The following XPO6 variants were observed in gnomAD, a reference collection of about 807,000 sequenced individuals.
XPO6 encodes exportin 6.
In XPO6, 3 loss-of-function variants were observed where a neutral mutation model predicts 130.0. That is an observed-to-expected ratio of 0.02 (90% CI 0.01 to 0.06). The LOEUF (loss-of-function observed/expected upper bound fraction) is 0.06, where lower values mean the gene tolerates loss of function less well. XPO6 is among the 10% of genes least tolerant of loss of function. The pLI, the probability that XPO6 is intolerant of heterozygous loss-of-function variation, is 1.00. For missense variants in XPO6, 970 were observed against 1,393.0 expected (o/e 0.70, Z 4.83); for synonymous variants, 524 against 548.9 (o/e 0.95, Z 0.63).
chr16:28,167,296 G>A (rs1230411365), intron 5 of XPO6: 4 of 985,232 alleles, frequency 4.1e-6, no homozygotes, highest in East Asian at 1.1e-4. Context: ...TCAACTTTTC[G>A]TTCCCCACAA....
chr16:28,134,797 T>A (rs2042743306), intron 10 of XPO6, among the ~76,000 whole-genome samples: 1 of 152,238 alleles, frequency 6.6e-6, no homozygotes. Flanking sequence ...TTGCATAATG[T>A]ACTCCAAACA....
Position 28,180,968 on chromosome 16 carries a change from T to A in XPO6, c.67A>T (p.Thr23Ser). 1 of 1,613,784 alleles carries A rather than the reference T, an allele frequency of 6.2e-7. No homozygotes were observed. The highest frequency in any genetic ancestry group is 8.5e-7 in the Non-Finnish European group (1 of 1,179,910). Reference protein sequence around the residue: ...SLMTEFFHDCTTNERKREIEE... With the variant: ...SLMTEFFHDCSTNERKREIEE... ...ATCTCACGTTTTCTTTCATTGGTTGTACAATCGTGAAAAAATTCTGTCATC... is the reference window on the plus strand; with the variant it reads ...ATCTCACGTTTTCTTTCATTGGTTGAACAATCGTGAAAAAATTCTGTCATC... Residue 23 changes from threonine (T) to serine (S), a missense_variant, in exon 2 of 24, where the codon ACA becomes TCA. Around this residue, in one of 4 missense-constraint regions of XPO6, gnomAD observed 21 missense variants for 34.8 expected, o/e 0.60. Coordinates refer to ENST00000304658, the MANE Select transcript of XPO6 (RefSeq NM_015171.4).
chr16:28,184,957 C>T (rs1336321329), intron 1 of XPO6, among the ~76,000 whole-genome samples: 15 of 152,082 alleles, frequency 9.9e-5, no homozygotes, highest in Middle Eastern at 3.2e-3. Context: ...GTATACCAAA[C>T]GAAAACATAC....
At position 28,101,069 on chromosome 16, in the gene XPO6, AG is replaced by A; in HGVS notation, c.3276+388del. ...TGGGGACCCAGAAGTGCAGCTCCCA[AG>A]CACCAACCATCTCAGCCTGAATGCA... is the stretch of plus-strand genomic sequence containing the variant. On this transcript the variant is annotated intron_variant, in intron 23 of 23. Transcript: ENST00000304658. The surrounding 1 kb of genome is among the most constrained non-coding windows in gnomAD (Gnocchi z 5.4). 1 of 323,840 alleles carries A rather than the reference AG, an allele frequency of 3.1e-6. No homozygotes were observed. The highest frequency in any genetic ancestry group is 6.0e-6 in the Non-Finnish European group (1 of 165,966). The allele number at this position is 323,840 out of a possible 1,614,324, so 20.1% of individuals were successfully genotyped here.
intron 23 of XPO6, among the ~76,000 whole-genome samples, chr16:28,100,437 G>A (rs751805667): frequency 2.8e-4 from 42 of 152,344 alleles, no homozygotes; most frequent in Middle Eastern, 6.8e-3. Flanking sequence ...AGAGGCTTAG[G>A]AGAGAACAAG....
chr16:28,154,579 TTA>T (rs2043153228), intron 7 of XPO6: 1 of 152,394 alleles, frequency 6.6e-6, no homozygotes. Context: ...ACAGCATTAT[TTA>T]TGTCACCTTT....
intron 7 of XPO6, 51 bp from the exon 8 acceptor site, chr16:28,152,836 A>T: frequency 6.3e-7 from 1 of 1,586,998 alleles, no homozygotes; most frequent in Non-Finnish European, 8.5e-7. Context: ...CCACCTCCTT[A>T]GAACTTAAAT....
rs759064164 is a variant in XPO6, at chr16:28,180,869, C to T, written c.94+72G>A. 61 of 1,279,124 alleles carry T rather than the reference C, an allele frequency of 4.8e-5. 1 individual carries two copies. Among genetic ancestry groups the T allele is most frequent in the Admixed American group, 3.5e-4 (17 of 48,278 alleles). The allele number at this position is 1,279,124 out of a possible 1,614,324, so 79.2% of individuals were successfully genotyped here. A position where few individuals can be genotyped will look rare whatever the true frequency, so the allele number is the denominator to read the frequency against. On this transcript the variant is annotated intron_variant, in intron 2 of 23. Coordinates refer to ENST00000304658, the MANE Select transcript of XPO6 (RefSeq NM_015171.4). ...ACGCAGACTTGACCAGTCACGGCTA[C>T]GAACAACTCCTTCCTCCCTACCAGG...
In XPO6 at chr16:28,098,561, G is replaced by A; in HGVS notation, c.3355C>T (p.Pro1119Ser). The A allele has an allele frequency of 6.2e-7, 1 of 1,612,502 alleles. No homozygotes were observed. Residue 1119 changes from proline (P) to serine (S), a missense_variant, in exon 24 of 24, where the codon CCC (proline) becomes TCC (serine). Physicochemically the swap from Pro to Ser is moderately conservative, Grantham distance 74 (BLOSUM62 -1). This residue lies in a region of XPO6 where 936 missense variants were observed against 1,306.8 expected (regional missense o/e 0.72). Transcript: ENST00000304658. Reference sequence around the variant, plus strand: ...GCCTAGAGCTTCACAGTGCCAGGGGGCAGGCTGTCGTTGCAGAGTCTGTAG... The same window carrying A: ...GCCTAGAGCTTCACAGTGCCAGGGGACAGGCTGTCGTTGCAGAGTCTGTAG... ...RYYRLCNDSL[P>S]PGTVKL
In XPO6 at chr16:28,106,015, C is replaced by CT. The variant is rs2086769904; in HGVS notation, c.2784+27dup. ...CTTCCCAATCTGGAGATGGGGGGTGCTGCACAGGGGACCGTCTGAGCCCCT... is the reference window on the plus strand; with the variant it reads ...CTTCCCAATCTGGAGATGGGGGGTGCTTGCACAGGGGACCGTCTGAGCCCCT... On this transcript the variant is annotated intron_variant, in intron 20 of 23. Transcript: ENST00000304658. The surrounding 1 kb of genome is among the most constrained non-coding windows in gnomAD (Gnocchi z 4.2). 5.0e-6 allele frequency: 8 copies of CT among 1,601,652 alleles called. No individual in the cohort carries two copies. The highest frequency in any genetic ancestry group is 6.8e-6 in the Non-Finnish European group (8 of 1,170,140).
chr16:28,202,136 G>C (rs1291438743), intron 1 of XPO6, among the ~76,000 whole-genome samples: 2 of 152,172 alleles, frequency 1.3e-5, no homozygotes, highest in Non-Finnish European at 2.9e-5. Context: ...ATGACAAATG[G>C]TTTGCTGTGG....
In XPO6 at chr16:28,119,265, C is replaced by T. The variant is rs560601862; in HGVS notation, c.1860-1803G>A. On this transcript the variant is annotated intron_variant, in intron 14 of 23. Transcript: ENST00000304658. ...AACTCCTGGGCTCAAGCGATCTTCC[C>T]ACCTCAACCTCCCAAAGTGCTGGGA... 2.4e-4 allele frequency among the ~76,000 whole-genome samples: 37 copies of T among 151,796 alleles called. No homozygotes were observed. In the East Asian group the frequency reaches 7.2e-3, roughly 29 times the overall value.
chr16:28,200,832 T>C (rs933212370), intron 1 of XPO6, among the ~76,000 whole-genome samples: 1 of 152,144 alleles, frequency 6.6e-6, no homozygotes, highest in Non-Finnish European at 1.5e-5. Flanking sequence ...ACATAATACC[T>C]ACCTGGCAGG....
Position 28,132,449 on chromosome 16 carries a change from G to C in XPO6, c.1537-46C>G. ...ACAACAAAAATTTTAAGCCATAAATGCAAGTTTTAATAGCATTTTAACATT... is the reference window on the plus strand; with the variant it reads ...ACAACAAAAATTTTAAGCCATAAATCCAAGTTTTAATAGCATTTTAACATT... On this transcript the variant is annotated intron_variant, in intron 11 of 23. Transcript: ENST00000304658. This position sits in a 1 kb window ranked among gnomAD's most constrained non-coding sequence, Gnocchi z 4.0. 2 of 1,369,702 alleles carry C rather than the reference G, an allele frequency of 1.5e-6. No homozygotes were observed. Among genetic ancestry groups the C allele is most frequent in the Non-Finnish European group, 2.0e-6 (2 of 980,156 alleles). The allele number at this position is 1,369,702 out of a possible 1,614,324, so 84.8% of individuals were successfully genotyped here. A position where few individuals can be genotyped will look rare whatever the true frequency, so the allele number is the denominator to read the frequency against.
At chr16:28,150,695 TC>T (rs1441949912) in intron 8 of XPO6, among the ~76,000 whole-genome samples, 4 of 152,092 alleles carry the variant, frequency 2.6e-5, no homozygotes, top group African/African-American at 9.7e-5. Context: ...TCATTCCATC[TC>T]CCCCAAGTAA....
chr16:28,145,114 A>G (rs2042961455), intron 9 of XPO6, among the ~76,000 whole-genome samples: 2 of 152,230 alleles, frequency 1.3e-5, no homozygotes, highest in African/African-American at 2.4e-5. Context: ...GTAATCTCAT[A>G]GCATAAATAT....
chr16:28,181,862 T>A (rs544432027), intron 1 of XPO6, among the ~76,000 whole-genome samples: 7 of 152,074 alleles, frequency 4.6e-5, no homozygotes, highest in Non-Finnish European at 8.8e-5. Context: ...ACTGCTCAGG[T>A]TGGAAATGAG....
intron 14 of XPO6, among the ~76,000 whole-genome samples, chr16:28,119,920 T>C (rs1255845302): frequency 6.6e-6 from 1 of 152,114 alleles, no homozygotes; most frequent in Non-Finnish European, 1.5e-5. Context: ...AGCAGTGGTG[T>C]GATCTCAGCC....
At chr16:28,139,195 A>G (rs2042838669) in intron 9 of XPO6, among the ~76,000 whole-genome samples, 1 of 152,212 alleles carries the variant, frequency 6.6e-6, no homozygotes, top group African/African-American at 2.4e-5. Context: ...GAGAAGATGA[A>G]GAGACACAAG....
Sources: gnomAD v4.1 joint callset for allele counts (sites outside exome capture counted in the v4.1 genomes callset) on GRCh38, gnomAD v4.1.1 for gene constraint, gnomAD v4.1.1 regional missense constraint, Gnocchi (gnomAD v3.1) non-coding constraint, MANE v1.5 for transcripts, NCBI Gene and HGNC (gene_info 2026-07-23, HGNC 2026-07-21) for gene names.